Variants in PTPRK observed in about 807,000 individuals in gnomAD.
PTPRK encodes receptor-type tyrosine-protein phosphatase kappa.
A neutral mutation model predicts 178.0 loss-of-function variants in PTPRK; 75 were observed. The observed-to-expected ratio is 0.42, with a 90% CI of 0.35 to 0.51. The LOEUF (loss-of-function observed/expected upper bound fraction) is 0.51, where lower values mean the gene tolerates loss of function less well. Among genes scored for constraint, PTPRK ranks in the 20% least tolerant of loss-of-function variants. PTPRK has a pLI of 0.02. For missense variants in PTPRK, 1,441 were observed against 1,797.8 expected (o/e 0.80, Z 3.59); for synonymous variants, 637 against 620.6 (o/e 1.03, Z -0.39).
chr6:128,441,164 C>T (rs1292352120), intron 1 of PTPRK, among the ~76,000 whole-genome samples: 1 of 152,144 alleles, frequency 6.6e-6, no homozygotes, highest in Non-Finnish European at 1.5e-5. Context: ...TATTAAGCCT[C>T]ATTTTAAAAA....
At chr6:128,102,055 T>C (rs1347624809) in intron 7 of PTPRK, among the ~76,000 whole-genome samples, 1 of 152,190 alleles carries the variant, frequency 6.6e-6, no homozygotes, top group Non-Finnish European at 1.5e-5. Flanking sequence ...ACGTATGCCC[T>C]CTCTAGAGAT....
At chr6:128,191,611 T>C (rs1384523329) in intron 6 of PTPRK, among the ~76,000 whole-genome samples, 1 of 152,108 alleles carries the variant, frequency 6.6e-6, no homozygotes, top group Non-Finnish European at 1.5e-5. Context: ...GATAAATATA[T>C]GGTAATTAGC....
At chr6:128,237,286 GT>G (rs1204943683) in intron 5 of PTPRK, among the ~76,000 whole-genome samples, 4 of 152,052 alleles carry the variant, frequency 2.6e-5, no homozygotes, top group African/African-American at 9.7e-5. Context: ...TTGCCATTTG[GT>G]ATTTTACCTG....
intron 2 of PTPRK, among the ~76,000 whole-genome samples, chr6:128,364,420 T>C (rs1452765052): frequency 6.6e-6 from 1 of 152,118 alleles, no homozygotes; most frequent in Non-Finnish European, 1.5e-5. Context: ...TTACATTTAC[T>C]GAATACTTTT....
intron 3 of PTPRK, among the ~76,000 whole-genome samples, chr6:128,262,857 CA>C (rs747334195): frequency 0.012 from 931 of 75,074 alleles, 10 homozygotes; most frequent in African/African-American, 0.032. Flanking sequence ...AACCAATAAC[CA>C]AAAAAAAAAA....
chr6:127,970,200 G>A lies in PTPRK; in HGVS notation c.*27C>T, dbSNP rs1022935072. ...TCAATAGATGGACAGGTTTCTTCAT[G>A]GATGCACTTTAAAGAGTCTCACCCA... On this transcript the variant is annotated 3_prime_UTR_variant, in exon 30 of 30. Transcript: ENST00000368226. 1.1e-5 allele frequency: 18 copies of A among 1,574,750 alleles called. No homozygotes were observed. Among genetic ancestry groups the A allele is most frequent in the Non-Finnish European group, 1.5e-5 (17 of 1,149,562 alleles).
intron 16 of PTPRK, among the ~76,000 whole-genome samples, chr6:127,997,303 A>T (rs1008505240): frequency 6.6e-6 from 1 of 152,126 alleles, no homozygotes; most frequent in Non-Finnish European, 1.5e-5. Context: ...TTCAAAACGT[A>T]TTGAATGATA....
At chr6:128,489,065 G>A (rs922091630) in intron 1 of PTPRK, among the ~76,000 whole-genome samples, 91 of 152,050 alleles carry the variant, frequency 6.0e-4, no homozygotes, top group African/African-American at 2.1e-3. Flanking sequence ...GGAGAAAAAA[G>A]CATACTTTAA....
At chr6:128,447,244 TAAGAG>T (rs1010345138) in intron 1 of PTPRK, among the ~76,000 whole-genome samples, 1 of 152,232 alleles carries the variant, frequency 6.6e-6, no homozygotes, top group Non-Finnish European at 1.5e-5. Flanking sequence ...ACCTGTGAAA[TAAGAG>T]AAATCCTAAT....
chr6:128,175,762 C>T (rs1800969794), intron 7 of PTPRK, among the ~76,000 whole-genome samples: 2 of 151,640 alleles, frequency 1.3e-5, no homozygotes, highest in African/African-American at 4.8e-5. Flanking sequence ...TTAATATATA[C>T]ATAATTTAAA....
chr6:128,456,756 G>C (rs1848444333), intron 1 of PTPRK, among the ~76,000 whole-genome samples: 1 of 152,066 alleles, frequency 6.6e-6, no homozygotes, highest in Non-Finnish European at 1.5e-5. Context: ...CATTAGATGA[G>C]ATTCAAAGTT....
chr6:128,424,976 G>A (rs989415700), intron 1 of PTPRK, among the ~76,000 whole-genome samples: 18 of 151,530 alleles, frequency 1.2e-4, no homozygotes, highest in Non-Finnish European at 2.7e-4. Context: ...GGTTTTTGGG[G>A]AATAGGTGGT....
At chr6:128,460,438 A>C (rs944634918) in intron 1 of PTPRK, among the ~76,000 whole-genome samples, 8 of 152,054 alleles carry the variant, frequency 5.3e-5, no homozygotes, top group African/African-American at 1.9e-4. Context: ...GCTATTCAAG[A>C]GGCTGAGGTG....
chr6:128,159,340 C>G (rs1798360941), intron 7 of PTPRK, among the ~76,000 whole-genome samples: 1 of 151,886 alleles, frequency 6.6e-6, no homozygotes, highest in Non-Finnish European at 1.5e-5. Flanking sequence ...ATCAAAGCCC[C>G]AGACTAGGAA....
At chr6:128,417,181 G>A (rs932601552) in intron 1 of PTPRK, among the ~76,000 whole-genome samples, 3 of 151,352 alleles carry the variant, frequency 2.0e-5, no homozygotes, top group African/African-American at 4.8e-5. Flanking sequence ...TAACATTTAC[G>A]TTTTCAAAAC....
At chr6:128,408,053 G>A (rs1212082212) in intron 1 of PTPRK, among the ~76,000 whole-genome samples, 1 of 152,178 alleles carries the variant, frequency 6.6e-6, no homozygotes, top group Non-Finnish European at 1.5e-5. Context: ...TTATTACAAT[G>A]TGTTTCTGAC....
intron 1 of PTPRK, among the ~76,000 whole-genome samples, chr6:128,485,372 C>T (rs772421781): frequency 1.3e-5 from 2 of 152,178 alleles, no homozygotes; most frequent in Non-Finnish European, 1.5e-5. Flanking sequence ...ATGGAAAAAT[C>T]TCCTGGCATC....
At chr6:128,337,678 T>C (rs990805353) in intron 2 of PTPRK, among the ~76,000 whole-genome samples, 1 of 152,202 alleles carries the variant, frequency 6.6e-6, no homozygotes, top group Non-Finnish European at 1.5e-5. Flanking sequence ...GGGCTTCTTC[T>C]GCATGGATGC....
chr6:128,163,928 G>T (rs1456862302), intron 7 of PTPRK, among the ~76,000 whole-genome samples: 1 of 151,422 alleles, frequency 6.6e-6, no homozygotes, highest in Non-Finnish European at 1.5e-5. Flanking sequence ...GAGTAGTGAA[G>T]TGGGACATAT....
Sources: gnomAD v4.1 joint callset for allele counts (sites outside exome capture counted in the v4.1 genomes callset) on GRCh38, gnomAD v4.1.1 for gene constraint, MANE v1.5 for transcripts, NCBI Gene and HGNC (gene_info 2026-07-23, HGNC 2026-07-21) for gene names.